The following SEL1L3 variants were observed in gnomAD, a reference collection of about 807,000 sequenced individuals.
SEL1L3 encodes the protein SEL1L family member 3, also known as protein sel-1 homolog 3.
SEL1L3 carries 76 observed loss-of-function variants against 142.8 expected under a neutral mutation model. The observed-to-expected ratio is 0.53, with a 90% confidence interval of 0.44 to 0.64. SEL1L3 has a LOEUF of 0.64. SEL1L3 is among the 30% of genes least tolerant of loss of function. SEL1L3 has a pLI of 0.00. For missense variants in SEL1L3, 1,262 were observed against 1,381.7 expected (o/e 0.91, Z 1.37); for synonymous variants, 504 against 519.6 (o/e 0.97, Z 0.41).
At chr4:25,714,461 A>C in the SEL1L3 span, among the ~76,000 whole-genome samples, 2 of 150,672 alleles carry the variant, frequency 1.3e-5, no homozygotes, top group Middle Eastern at 3.4e-3. Flanking sequence ...GTATATGGAC[A>C]ATAAAATAAA....
At chr4:25,821,137 TA>T (rs1422970610) in intron 7 of SEL1L3, among the ~76,000 whole-genome samples, 1 of 152,244 alleles carries the variant, frequency 6.6e-6, no homozygotes, top group African/African-American at 2.4e-5. Context: ...AGGTTCTCAA[TA>T]AGCATTTGTT....
intron 9 of SEL1L3, among the ~76,000 whole-genome samples, chr4:25,816,397 C>A (rs913610109): frequency 6.6e-6 from 1 of 152,080 alleles, no homozygotes; most frequent in Admixed American, 6.6e-5. Flanking sequence ...GAGGCTACGC[C>A]ACTCATTACA....
intron 14 of SEL1L3, 67 bp from the exon 15 acceptor site, chr4:25,782,485 T>C (rs1213231217): frequency 7.2e-7 from 1 of 1,383,694 alleles, no homozygotes; most frequent in African/African-American, 1.4e-5. Context: ...TGGAAGCAAT[T>C]ATTGTGGAAG....
the SEL1L3 span, among the ~76,000 whole-genome samples, chr4:25,730,597 G>A: frequency 3.3e-5 from 5 of 152,070 alleles, no homozygotes; most frequent in Admixed American, 2.6e-4. Context: ...CTACCTAGTC[G>A]TTGGGACAGC....
intron 17 of SEL1L3, among the ~76,000 whole-genome samples, chr4:25,768,406 T>C (rs939254495): frequency 1.3e-5 from 2 of 152,284 alleles, no homozygotes; most frequent in African/African-American, 4.8e-5. Context: ...TTTCATCTGT[T>C]GAAAGATTGG....
intron 11 of SEL1L3, among the ~76,000 whole-genome samples, chr4:25,797,762 G>A (rs1053235815): frequency 1.3e-5 from 2 of 152,218 alleles, no homozygotes; most frequent in Non-Finnish European, 2.9e-5. Flanking sequence ...CGCCAACTAT[G>A]TGTCAGGCAG....
At chr4:25,776,241 G>A (rs369112738) in intron 17 of SEL1L3, 36 bp downstream of exon 17, 82 of 1,424,524 alleles carry the variant, frequency 5.8e-5, no homozygotes, top group Non-Finnish European at 7.5e-5. Context: ...GACAGACAGG[G>A]AAAAAAGTTT....
intron 17 of SEL1L3, among the ~76,000 whole-genome samples, chr4:25,772,806 TA>T (rs1250251164): frequency 2.0e-5 from 3 of 152,142 alleles, no homozygotes; most frequent in Non-Finnish European, 4.4e-5. Context: ...TTTATTTATT[TA>T]TTTTTTTTGA....
chr4:25,781,765 G>A (rs1228965683), intron 15 of SEL1L3, among the ~76,000 whole-genome samples: 1 of 152,162 alleles, frequency 6.6e-6, no homozygotes, highest in Non-Finnish European at 1.5e-5. Context: ...GCACATGGTA[G>A]GGTGTTTTGC....
In SEL1L3 at chr4:25,759,042, G is replaced by T. The variant is rs776243227; in HGVS notation, c.2982C>A (p.Ile994=). ...SQGFFNLALL[I]EEGTIIPHHI... ...GGTGTGGGATTATCGTACCTTCCTC[G>T]ATTAGCAGGGCCAGGTTAAAAAATC... Residue 994 remains isoleucine (I), a synonymous_variant, in exon 21 of 24, where the codon ATC becomes ATA. Coordinates refer to ENST00000399878, the MANE Select transcript of SEL1L3 (RefSeq NM_015187.5). The T allele has an allele frequency of 3.1e-6, 5 of 1,613,324 alleles. No homozygotes were observed. The highest frequency in any genetic ancestry group is 4.2e-6 in the Non-Finnish European group (5 of 1,179,770).
chr4:25,748,104 C>A lies in SEL1L3; in HGVS notation c.*321G>T. The A allele has an allele frequency of 3.8e-6, 1 of 263,764 alleles. No individual in the cohort carries two copies. The allele number at this position is 263,764 out of a possible 1,614,324, so 16.3% of individuals were successfully genotyped here. Reference sequence around the variant, plus strand: ...AAGACACATCTTAGTGTATAAGAATCCAGATCTGCCGTAGGGCATGCTATG... The same window carrying A: ...AAGACACATCTTAGTGTATAAGAATACAGATCTGCCGTAGGGCATGCTATG... On this transcript the variant is annotated 3_prime_UTR_variant, in exon 24 of 24. Coordinates refer to ENST00000399878, the MANE Select transcript of SEL1L3 (RefSeq NM_015187.5).
At chr4:25,762,278 A>G (rs138947639) in intron 20 of SEL1L3, among the ~76,000 whole-genome samples, 130 of 152,364 alleles carry the variant, frequency 8.5e-4, no homozygotes, top group Non-Finnish European at 1.6e-3. Context: ...GTCTGACTCA[A>G]TAATACTATT....
At chr4:25,750,734 A>T (rs1275230028) in intron 23 of SEL1L3, among the ~76,000 whole-genome samples, 1 of 152,244 alleles carries the variant, frequency 6.6e-6, no homozygotes, top group Non-Finnish European at 1.5e-5. Context: ...GTGACATTTT[A>T]CTATAATTTT....
chr4:25,825,574 T>C (rs1235306573), intron 6 of SEL1L3, among the ~76,000 whole-genome samples: 1 of 152,022 alleles, frequency 6.6e-6, no homozygotes, highest in East Asian at 1.9e-4. Flanking sequence ...TTCTGTGGTA[T>C]GAGAACTTAG....
rs1041108863 is a variant in SEL1L3 at position 25,747,533 on chromosome 4, G to C, written c.*892C>G. On this transcript the variant is annotated 3_prime_UTR_variant, in exon 24 of 24. Coordinates refer to ENST00000399878, the MANE Select transcript of SEL1L3 (RefSeq NM_015187.5). The stretch of plus-strand genomic sequence containing the variant: ...CATTACTGATTTATTCACTACCTTA[G>C]CAGCATGTAGTATACAGACATTCTG... 2.0e-5 allele frequency: 3 copies of C among 151,754 alleles called. No homozygotes were observed. Among genetic ancestry groups the C allele is most frequent in the African/African-American group, 7.3e-5 (3 of 41,270 alleles). 9.4% of individuals were successfully genotyped at this position (151,754 alleles called of 1,614,324 possible). A position where few individuals can be genotyped will look rare whatever the true frequency, so the allele number is the denominator to read the frequency against.
intron 2 of SEL1L3, 84 bp downstream of exon 2, chr4:25,847,210 G>T: frequency 1.7e-6 from 2 of 1,160,942 alleles, no homozygotes; most frequent in Non-Finnish European, 2.5e-6. Flanking sequence ...TTCGCTAATA[G>T]AAGAATTTTC....
At chr4:25,766,326 T>C (rs1410480170) in intron 19 of SEL1L3, among the ~76,000 whole-genome samples, 1 of 150,824 alleles carries the variant, frequency 6.6e-6, no homozygotes, top group East Asian at 2.0e-4. Flanking sequence ...TGTAATCACA[T>C]CTACTCAGGA....
intron 1 of SEL1L3, among the ~76,000 whole-genome samples, chr4:25,857,762 C>T (rs185909016): frequency 4.7e-4 from 72 of 152,364 alleles, no homozygotes; most frequent in Middle Eastern, 3.4e-3. Flanking sequence ...CAACTCACGT[C>T]CTTGCCTTTA....
chr4:25,800,547 T>C (rs1469259666), intron 11 of SEL1L3, among the ~76,000 whole-genome samples: 1 of 152,236 alleles, frequency 6.6e-6, no homozygotes, highest in Non-Finnish European at 1.5e-5. Context: ...TATGCTGAAT[T>C]TGAATTCTTA....
Sources: allele counts gnomAD v4.1 joint callset (sites outside exome capture counted in the v4.1 genomes callset), GRCh38; gene constraint gnomAD v4.1.1; transcripts MANE v1.5; gene names NCBI Gene and HGNC (gene_info 2026-07-23, HGNC 2026-07-21).